The following SYNM variants were observed in gnomAD, a reference collection of about 807,000 sequenced individuals.
SYNM encodes desmuslin.
In SYNM, 95 loss-of-function variants were observed where a neutral mutation model predicts 104.0. That is an observed-to-expected ratio of 0.91 (90% CI 0.77 to 1.08). SYNM has a LOEUF of 1.08. Ranked by LOEUF, SYNM falls within the 50% of genes least tolerant of loss-of-function variation. SYNM has a pLI of 0.00. For missense variants in SYNM, 2,150 were observed against 2,052.2 expected (o/e 1.05, Z -0.92); for synonymous variants, 918 against 869.0 (o/e 1.06, Z -0.99).
chr15:99,119,548 G>A (rs2067380872), intron 2 of SYNM, among the ~76,000 whole-genome samples: 1 of 152,182 alleles, frequency 6.6e-6, no homozygotes. Flanking sequence ...CAGGACCCAC[G>A]CGCCAGTCTG....
At chr15:99,123,808 A>G (rs1296219631) in intron 2 of SYNM, among the ~76,000 whole-genome samples, 2 of 152,278 alleles carry the variant, frequency 1.3e-5, no homozygotes, top group Non-Finnish European at 2.9e-5. Flanking sequence ...ATGGGGCTGC[A>G]CAGAGCAGTG....
Position 99,131,108 on chromosome 15 carries a change from T to G in SYNM, c.2748T>G (p.Phe916Leu), listed in dbSNP as rs2067500422. ...HWKEQARSGEFHAEPTVIEKE... is the reference protein window; with the variant it reads ...HWKEQARSGELHAEPTVIEKE... Reference sequence around the variant, plus strand: ...AAGAACAAGCTAGAAGCGGTGAATTTCATGCCGAACCCACAGTCATTGAAA... The same window carrying G: ...AAGAACAAGCTAGAAGCGGTGAATTGCATGCCGAACCCACAGTCATTGAAA... Residue 916 changes from phenylalanine to leucine, a missense_variant, in exon 4 of 4, where the codon TTT (phenylalanine) becomes TTG (leucine). Physicochemically the swap from Phe to Leu is conservative, Grantham distance 22 (BLOSUM62 0). Coordinates refer to ENST00000336292, the MANE Select transcript of SYNM (RefSeq NM_145728.3). This position sits in a 1 kb window ranked among gnomAD's most constrained non-coding sequence, Gnocchi z 4.3. 1.2e-6 allele frequency: 2 copies of G among 1,602,430 alleles called. No individual in the cohort carries two copies. The highest frequency in any genetic ancestry group is 2.7e-5 in the African/African-American group (2 of 74,664).
At chr15:99,119,559 G>T (rs1384870371) in intron 2 of SYNM, among the ~76,000 whole-genome samples, 2 of 152,172 alleles carry the variant, frequency 1.3e-5, no homozygotes, top group East Asian at 1.9e-4. Flanking sequence ...CGCCAGTCTG[G>T]GCTGCTTGCA....
intron 2 of SYNM, among the ~76,000 whole-genome samples, chr15:99,121,140 A>C (rs943999438): frequency 2.4e-4 from 37 of 152,048 alleles, no homozygotes; most frequent in Non-Finnish European, 4.4e-5. Flanking sequence ...ATAAGAGAAT[A>C]AGTTGAGGGA....
At chr15:99,109,857 C>T (rs1461472683) in intron 1 of SYNM, among the ~76,000 whole-genome samples, 1 of 152,120 alleles carries the variant, frequency 6.6e-6, no homozygotes, top group Non-Finnish European at 1.5e-5. Flanking sequence ...GCACAGTGAA[C>T]AGGGGGTAGA....
chr15:99,109,113 T>C (rs1250652121), intron 1 of SYNM, among the ~76,000 whole-genome samples: 1 of 152,168 alleles, frequency 6.6e-6, no homozygotes, highest in Non-Finnish European at 1.5e-5. Flanking sequence ...AGGGGGAAGA[T>C]GCTTGCTAGG....
chr15:99,141,704 A>G, the SYNM span, among the ~76,000 whole-genome samples: 1 of 152,216 alleles, frequency 6.6e-6, no homozygotes, highest in South Asian at 2.1e-4. Context: ...TTAAAATGCA[A>G]GCAGCCAAAT....
At chr15:99,139,597 T>G (rs1555489183), downstream of SYNM, 1 of 1,530,324 alleles carries the variant, frequency 6.5e-7, no homozygotes, top group African/African-American at 1.4e-5. Context: ...GTGAACAGTT[T>G]TAGCACTATT....
At position 99,131,983 on chromosome 15, in the gene SYNM, CAG is replaced by C. The variant is rs782519028; in HGVS notation, c.3626_3627del (p.Glu1209ValfsTer22). On this transcript the variant is annotated frameshift_variant, in exon 4 of 4. Transcript: ENST00000336292. LOFTEE classifies it high-confidence loss of function. The surrounding 1 kb of genome is among the most constrained non-coding windows in gnomAD (Gnocchi z 4.3). ...TGGGGCTCGCCAGAACCTGGCCCAG[CAG>C]AGTCTTCTGCAGATATGGACGGATC... 8.7e-6 allele frequency: 14 copies of C among 1,613,980 alleles called. No homozygotes were observed. Among genetic ancestry groups the C allele is most frequent in the Middle Eastern group, 1.6e-4 (1 of 6,062 alleles).
chr15:99,109,953 T>C (rs1171603950), intron 1 of SYNM, among the ~76,000 whole-genome samples: 1 of 152,200 alleles, frequency 6.6e-6, no homozygotes. Context: ...GGGGCCTGGC[T>C]GTGGCTTAGT....
At chr15:99,110,124 T>C (rs1465703905) in intron 1 of SYNM, among the ~76,000 whole-genome samples, 1 of 152,096 alleles carries the variant, frequency 6.6e-6, no homozygotes, top group Non-Finnish European at 1.5e-5. Context: ...TGCTGCCAGA[T>C]TGAATGTGAT....
rs566408749 is a variant in SYNM at position 99,105,238 on chromosome 15, C to T, written c.39C>T (p.Ala13=). Residue 13 remains alanine (A), a synonymous_variant, in exon 1 of 4, where the codon GCC becomes GCT. Transcript: ENST00000336292. ...GGCTGCAGACGGGCCCCGAGAAGGC[C>T]GAGCTCCAGGAGCTCAACGCCCGGC... ...SWRLQTGPEK[A]ELQELNARLY... The T allele has an allele frequency of 1.2e-5, 19 of 1,573,256 alleles. No individual in the cohort carries two copies. The highest frequency in any genetic ancestry group is 1.6e-5 in the Non-Finnish European group (19 of 1,160,608).
intron 2 of SYNM, among the ~76,000 whole-genome samples, chr15:99,115,589 G>A (rs1259578272): frequency 2.6e-5 from 4 of 151,428 alleles, no homozygotes; most frequent in Non-Finnish European, 4.4e-5. Context: ...AGCCTCCTGA[G>A]TAGCTGGGAC....
rs1457487583 is a variant in SYNM at position 99,105,086 on chromosome 15, C to T, written c.-114C>T. The T allele has an allele frequency of 1.6e-5, 20 of 1,239,494 alleles. No individual in the cohort carries two copies. Among genetic ancestry groups the T allele is most frequent in the Non-Finnish European group, 1.9e-5 (17 of 917,528 alleles). 76.8% of individuals were successfully genotyped at this position (1,239,494 alleles called of 1,614,324 possible). On this transcript the variant is annotated 5_prime_UTR_variant, in exon 1 of 4. Transcript: ENST00000336292. ...GCTCTCCCGCTCGCGTCCCAGTCTG[C>T]GGGCCTCCGGGGCAGCGGCGAGGCC...
At position 99,130,522 on chromosome 15, in the gene SYNM, C is replaced by T. The variant is rs2067490337; in HGVS notation, c.2162C>T (p.Ser721Leu). The T allele has an allele frequency of 5.6e-6, 9 of 1,613,818 alleles. No homozygotes were observed. Among genetic ancestry groups the T allele is most frequent in the Non-Finnish European group, 7.6e-6 (9 of 1,179,866 alleles). Reference protein sequence around the residue: ...DIKEVGLKGKSAEQMIGDIIN... With the variant: ...DIKEVGLKGKLAEQMIGDIIN... ...AAGGAAGTGGGGCTGAAAGGCAAGT[C>T]AGCCGAGCAGATGATAGGAGACATC... is the stretch of plus-strand genomic sequence containing the variant. The change falls in exon 4 of 4, where the codon TCA becomes TTA. Residue 721 changes from serine (S) to leucine (L), a missense_variant. Ser to Leu is a moderately radical substitution (Grantham distance 145). Coordinates refer to ENST00000336292, the MANE Select transcript of SYNM (RefSeq NM_145728.3).
At chr15:99,109,423 C>T (rs969107990) in intron 1 of SYNM, among the ~76,000 whole-genome samples, 24 of 152,248 alleles carry the variant, frequency 1.6e-4, no homozygotes, top group Admixed American at 9.2e-4. Context: ...CTGAGGCTGA[C>T]TGGAAAAGGC....
In SYNM at chr15:99,105,882, G is replaced by A. The variant is rs782120693; in HGVS notation, c.683G>A (p.Arg228Gln). ...ESRLQAEEET[R>Q]LCAQEAEALR... is the part of the protein sequence containing the mutation. Reference sequence around the variant, plus strand: ...AGACTCCAGGCGGAGGAAGAGACGCGGCTGTGCGCGCAGGAGGCAGAGGCG... The same window carrying A: ...AGACTCCAGGCGGAGGAAGAGACGCAGCTGTGCGCGCAGGAGGCAGAGGCG... Residue 228 changes from arginine to glutamine, a missense_variant, in exon 1 of 4, where the codon CGG becomes CAG. Physicochemically the swap from Arg to Gln is conservative, Grantham distance 43 (BLOSUM62 1). Coordinates refer to ENST00000336292, the MANE Select transcript of SYNM (RefSeq NM_145728.3). 3 of 1,538,974 alleles carry A rather than the reference G, an allele frequency of 1.9e-6. No individual in the cohort carries two copies. The highest frequency in any genetic ancestry group is 2.6e-6 in the Non-Finnish European group (3 of 1,145,718).
chr15:99,118,783 G>T (rs1011812936), intron 2 of SYNM, among the ~76,000 whole-genome samples: 3 of 152,198 alleles, frequency 2.0e-5, no homozygotes, highest in Non-Finnish European at 4.4e-5. Flanking sequence ...CCTTTGGCCA[G>T]TGCATGGCCA....
intron 2 of SYNM, 91 bp from the exon 3 acceptor site, chr15:99,126,631 G>A (rs1555485037): frequency 1.6e-6 from 2 of 1,245,266 alleles, no homozygotes; most frequent in African/African-American, 3.0e-5. Context: ...TGACACTATG[G>A]TCATTGGCCG....
Sources: allele counts gnomAD v4.1 joint callset (sites outside exome capture counted in the v4.1 genomes callset), GRCh38; gene constraint gnomAD v4.1.1; non-coding constraint Gnocchi (gnomAD v3.1); transcripts MANE v1.5; gene names NCBI Gene and HGNC (gene_info 2026-07-23, HGNC 2026-07-21).